MTCL1: variants seen among roughly 807,000 people sequenced by gnomAD.
MTCL1 encodes the protein microtubule cross-linking factor 1.
MTCL1 carries 79 observed loss-of-function variants against 141.4 expected under a neutral mutation model. That is an observed-to-expected ratio of 0.56 (90% confidence interval 0.47 to 0.67). The LOEUF is 0.67. Ranked by LOEUF, MTCL1 falls within the 30% of genes least tolerant of loss-of-function variation. The pLI is 0.00. For missense variants in MTCL1, 2,177 were observed against 2,113.9 expected, an observed-to-expected ratio of 1.03 and a Z score of -0.59; for synonymous variants, 914 against 875.8, an observed-to-expected ratio of 1.04 and a Z score of -0.77.
chr18:8,794,771 C>T (rs2075856464), intron 8 of MTCL1, among the ~76,000 whole-genome samples: 1 of 152,182 alleles, frequency 6.6e-6, no homozygotes, highest in South Asian at 2.1e-4. Context: ...CCTCATTGTT[C>T]TTGTTCTGTA....
chr18:8,806,488 A>C (rs2076300301), intron 10 of MTCL1, among the ~76,000 whole-genome samples: 1 of 152,152 alleles, frequency 6.6e-6, no homozygotes, highest in Non-Finnish European at 1.5e-5. Flanking sequence ...GGACATCTAA[A>C]GTCACACAGT....
chr18:8,718,708 C>A, intron 3 of MTCL1, 60 bp downstream of exon 2: 1 of 1,488,026 alleles, frequency 6.7e-7, no homozygotes, highest in Non-Finnish European at 9.4e-7. Flanking sequence ...TGGCCACATG[C>A]ACGTTGCCCT....
rs1030540441 is a variant in MTCL1 at position 8,764,349 on chromosome 18, T to C, written c.358-13484T>C. 5.3e-5 allele frequency among the ~76,000 whole-genome samples: 8 copies of C among 151,892 alleles called. No homozygotes were observed. In the East Asian group the frequency reaches 1.6e-3, roughly 29 times the overall value. On this transcript the variant is annotated intron_variant, in intron 4 of 16. Coordinates refer to ENST00000359865, the Ensembl canonical transcript of MTCL1. ...TTTTTTTTTTTGAGACAGAGTTTCG[T>C]TCTTGTTGCCCAGGCTGAAGTGCGG...
chr18:8,715,014 T>C (rs2096119607), upstream of MTCL1, among the ~76,000 whole-genome samples: 1 of 152,116 alleles, frequency 6.6e-6, no homozygotes, highest in Non-Finnish European at 1.5e-5. Context: ...GCCAGGATGG[T>C]CTTGATCTCC....
chr18:8,754,600 C>T (rs1425791838), intron 4 of MTCL1, among the ~76,000 whole-genome samples: 1 of 152,090 alleles, frequency 6.6e-6, no homozygotes, highest in Non-Finnish European at 1.5e-5. Context: ...GGAACCAAGT[C>T]GTTTTGTAAG....
exon 6 of MTCL1, chr18:8,784,147 C>G (rs368351211): frequency 1.2e-6 from 2 of 1,613,704 alleles, no homozygotes; most frequent in Non-Finnish European, 1.7e-6. Context: ...GGCTGCAGAT[C>G]AGCGAGCTCA....
chr18:8,831,816 A>C (rs1322205266), exon 17 of MTCL1: 1 of 1,549,660 alleles, frequency 6.5e-7, no homozygotes, highest in Admixed American at 2.0e-5. Flanking sequence ...GCTTGCATGG[A>C]TTATCACAGT....
At chr18:8,720,374 C>T (rs376807407) in exon 4 of MTCL1, 1 of 1,614,064 alleles carries the variant, frequency 6.2e-7, no homozygotes, top group African/African-American at 1.3e-5. Flanking sequence ...GCACCACGAA[C>T]TTAAGACGGT....
chr18:8,761,158 T>G (rs188905590), intron 4 of MTCL1, among the ~76,000 whole-genome samples: 41 of 152,314 alleles, frequency 2.7e-4, no homozygotes, highest in Admixed American at 2.2e-3. Context: ...TGTCTTTGCT[T>G]CTTGGCCATA....
chr18:8,772,163 C>T (rs1327518155), intron 4 of MTCL1, among the ~76,000 whole-genome samples: 2 of 152,216 alleles, frequency 1.3e-5, no homozygotes, highest in East Asian at 3.9e-4. Context: ...GGACCATATG[C>T]CTGGAGTTGT....
intron 4 of MTCL1, among the ~76,000 whole-genome samples, chr18:8,774,580 C>T (rs751676689): frequency 2.6e-5 from 4 of 152,094 alleles, no homozygotes; most frequent in Non-Finnish European, 4.4e-5. Flanking sequence ...CTCCACCTCC[C>T]GGGTTCAAGC....
exon 15 of MTCL1, chr18:8,825,141 G>A: frequency 6.3e-7 from 1 of 1,586,388 alleles, no homozygotes; most frequent in Non-Finnish European, 8.6e-7. Flanking sequence ...GGCAGGTGGT[G>A]AGGGTCCCTT....
At chr18:8,790,117 C>T (rs145717877) in intron 7 of MTCL1, among the ~76,000 whole-genome samples, 108 of 152,338 alleles carry the variant, frequency 7.1e-4, no homozygotes, top group African/African-American at 2.0e-3. Flanking sequence ...TCCGACTTCC[C>T]CAGTGAACTG....
At position 8,796,221 on chromosome 18, in the gene MTCL1, T is replaced by C. The variant is rs761642399; in HGVS notation, c.2011-11T>C. ...GCTGCTTGTCACACTGTCTCTCTTA[T>C]TCCATTCAAGATGGAGGAGGAGCAC... On this transcript the variant is annotated splice_polypyrimidine_tract_variant and intron_variant, in intron 8 of 16. Coordinates refer to ENST00000359865, the Ensembl canonical transcript of MTCL1. 1.1e-4 allele frequency: 177 copies of C among 1,612,882 alleles called. No homozygotes were observed. The highest frequency in any genetic ancestry group is 1.0e-4 in the Non-Finnish European group (123 of 1,178,994).
exon 6 of MTCL1, chr18:8,784,142 C>G: frequency 6.2e-7 from 1 of 1,613,702 alleles, no homozygotes; most frequent in Non-Finnish European, 8.5e-7. Flanking sequence ...AGCCAGGCTG[C>G]AGATCAGCGA....
At chr18:8,785,649 AC>A (rs1433783115) in intron 6 of MTCL1, 7 of 425,808 alleles carry the variant, frequency 1.6e-5, no homozygotes, top group African/African-American at 1.4e-4. Context: ...GTGCCCCGTA[AC>A]CAGTGTTTTG....
chr18:8,772,198 G>GT (rs994479330), intron 4 of MTCL1, among the ~76,000 whole-genome samples: 3 of 152,240 alleles, frequency 2.0e-5, no homozygotes, highest in African/African-American at 7.2e-5. Context: ...TACCTGGCCA[G>GT]TTTCCCCAAC....
At chr18:8,737,448 C>G (rs923923143) in intron 4 of MTCL1, among the ~76,000 whole-genome samples, 1 of 152,204 alleles carries the variant, frequency 6.6e-6, no homozygotes, top group African/African-American at 2.4e-5. Flanking sequence ...TTAACAAACC[C>G]TGGGCCAGGC....
intron 4 of MTCL1, among the ~76,000 whole-genome samples, chr18:8,777,409 A>G (rs1475627566): frequency 6.6e-6 from 1 of 152,186 alleles, no homozygotes; most frequent in South Asian, 2.1e-4. Context: ...ACACCAATTA[A>G]TTCTCACATT....
Sources: allele counts gnomAD v4.1 joint callset (sites outside exome capture counted in the v4.1 genomes callset), GRCh38; gene constraint gnomAD v4.1.1; transcripts MANE v1.5; gene names NCBI Gene and HGNC (gene_info 2026-07-23, HGNC 2026-07-21).